The following TTBK1 variants were observed in gnomAD, a reference collection of about 807,000 sequenced individuals.
TTBK1 encodes tau tubulin kinase 1.
In TTBK1, 34 loss-of-function variants were observed where a neutral mutation model predicts 108.5. The observed-to-expected ratio is 0.31, with a 90% CI of 0.24 to 0.42. The LOEUF (loss-of-function observed/expected upper bound fraction) is 0.42. Among genes scored for constraint, TTBK1 ranks in the 10% least tolerant of loss-of-function variants. The pLI is 1.00. For missense variants in TTBK1, 1,539 were observed against 1,826.0 expected (o/e 0.84, Z 2.86); for synonymous variants, 809 against 795.1 (o/e 1.02, Z -0.29).
In TTBK1 at chr6:43,282,987, G is replaced by A. The variant is rs551356837; in HGVS notation, c.2247G>A (p.Glu749=). The A allele has an allele frequency of 2.1e-5, 34 of 1,608,598 alleles. No individual in the cohort carries two copies. In the Admixed American group the frequency reaches 5.6e-4, roughly 26 times the overall value. ...ATGAGGAAGAGGAAGAAGAGGATGA[G>A]GAAGAAGAAGAGGAGGAAGAGGAAG... is the stretch of plus-strand genomic sequence containing the variant. ...EEDEEEEEED[E]EEEEEEEEEE... Residue 749 remains glutamate, a synonymous_variant, in exon 14 of 15, where the codon GAG becomes GAA. Transcript: ENST00000259750. This position sits in a 1 kb window ranked among gnomAD's most constrained non-coding sequence, Gnocchi z 5.4.
intron 13 of TTBK1, chr6:43,272,088 C>T (rs943424705): frequency 3.0e-6 from 3 of 985,438 alleles, no homozygotes; most frequent in Admixed American, 1.2e-4. Flanking sequence ...CACTGCCTCC[C>T]CCAGCCACCT....
rs759655390 is a variant in TTBK1 at position 43,259,753 on chromosome 6, C to A, written c.1424+47C>A. 12 of 1,478,776 alleles carry A rather than the reference C, an allele frequency of 8.1e-6. No homozygotes were observed. In the East Asian group the frequency reaches 2.8e-4, roughly 34 times the overall value. The allele number at this position is 1,478,776 out of a possible 1,614,324, so 91.6% of individuals were successfully genotyped here. ...TGGTTGGGGCCCAAGGCCCTCTCCG[C>A]CTTCACGTGGCTGGTCTGGAGGAAA... On this transcript the variant is annotated intron_variant, in intron 12 of 14. Transcript: ENST00000259750. This position sits in a 1 kb window ranked among gnomAD's most constrained non-coding sequence, Gnocchi z 6.7.
chr6:43,247,240 C>T (rs1354307757), intron 2 of TTBK1, among the ~76,000 whole-genome samples: 3 of 152,232 alleles, frequency 2.0e-5, no homozygotes, highest in Non-Finnish European at 4.4e-5. Context: ...CTTCTCCATC[C>T]AGCCTCCTCC....
At chr6:43,270,546 T>C in intron 13 of TTBK1, 1 of 985,742 alleles carries the variant, frequency 1.0e-6, no homozygotes, top group Non-Finnish European at 1.2e-6. Context: ...AGGAGCCCTG[T>C]GACCTAGCGA....
At chr6:43,247,822 G>T (rs1402354526) in intron 2 of TTBK1, among the ~76,000 whole-genome samples, 1 of 152,146 alleles carries the variant, frequency 6.6e-6, no homozygotes, top group Non-Finnish European at 1.5e-5. Context: ...CAACGGTGGC[G>T]ACGTTTTCAG....
Position 43,255,032 on chromosome 6 carries a change from T to C in TTBK1, c.577-17T>C. On this transcript the variant is annotated splice_polypyrimidine_tract_variant and intron_variant, in intron 6 of 14. Transcript: ENST00000259750. Reference sequence around the variant, plus strand: ...AGGGCATGGTGGGTGACGTTCTTGGTGGTCTCCCTTCTGCAGCCTCGGAAT... The same window carrying C: ...AGGGCATGGTGGGTGACGTTCTTGGCGGTCTCCCTTCTGCAGCCTCGGAAT... 1 of 1,612,764 alleles carries C rather than the reference T, an allele frequency of 6.2e-7. No homozygotes were observed. Among genetic ancestry groups the C allele is most frequent in the Non-Finnish European group, 8.5e-7 (1 of 1,179,364 alleles).
intron 13 of TTBK1, chr6:43,270,382 G>A: frequency 1.0e-6 from 1 of 1,003,938 alleles, no homozygotes; most frequent in East Asian, 1.1e-4. Flanking sequence ...CCACCCCGAG[G>A]GGCTGGCGGG....
At chr6:43,254,500 C>T in intron 5 of TTBK1, 47 bp from the exon 6 acceptor site, 3 of 1,413,042 alleles carry the variant, frequency 2.1e-6, no homozygotes, top group African/African-American at 2.9e-5. Context: ...TGAGGTGGCC[C>T]AGCTGGGGTT....
chr6:43,266,225 G>T (rs1457809119), intron 13 of TTBK1, among the ~76,000 whole-genome samples: 1 of 152,228 alleles, frequency 6.6e-6, no homozygotes, highest in Non-Finnish European at 1.5e-5. Flanking sequence ...CTGGTGGATG[G>T]ATGTGTCCAC....
Position 43,257,686 on chromosome 6 carries a change from C to T in TTBK1, c.862-126C>T. On this transcript the variant is annotated intron_variant, in intron 9 of 14. Transcript: ENST00000259750. The surrounding 1 kb of genome is among the most constrained non-coding windows in gnomAD (Gnocchi z 4.5). The stretch of plus-strand genomic sequence containing the variant: ...CAATGTGCCGTTCTCCTTCCAATGC[C>T]CCCTCCAGGCCCATTCCTGTCCTGG... The T allele has an allele frequency of 1.2e-6, 1 of 852,104 alleles. No homozygotes were observed. Among genetic ancestry groups the T allele is most frequent in the South Asian group, 1.8e-5 (1 of 55,232 alleles). 52.8% of individuals were successfully genotyped at this position (852,104 alleles called of 1,614,324 possible).
chr6:43,270,830 C>G, intron 13 of TTBK1: 1 of 985,472 alleles, frequency 1.0e-6, no homozygotes, highest in South Asian at 4.7e-5. Context: ...ACGTGAGAAA[C>G]CATGTGCTTG....
chr6:43,272,954 G>C (rs765111497), intron 13 of TTBK1, among the ~76,000 whole-genome samples: 1 of 152,216 alleles, frequency 6.6e-6, no homozygotes, highest in East Asian at 1.9e-4. Flanking sequence ...TGGTGTTTTC[G>C]CACTTCATAG....
At chr6:43,258,951 C>T (rs1777448438) in intron 10 of TTBK1, 87 bp from the exon 11 acceptor site, 1 of 1,002,440 alleles carries the variant, frequency 1.0e-6, no homozygotes, top group East Asian at 2.6e-5. Flanking sequence ...TGGGGGTGGT[C>T]TCCAGGTCTG....
intron 2 of TTBK1, 87 bp from the exon 3 acceptor site, chr6:43,252,652 C>A (rs2150685157): frequency 1.9e-5 from 28 of 1,491,912 alleles, no homozygotes; most frequent in Non-Finnish European, 2.5e-5. Flanking sequence ...CCCTTCCCCA[C>A]CAATGAAGGA....
In TTBK1 at chr6:43,253,835, C is replaced by T. The variant is rs376492496; in HGVS notation, c.471+127C>T. 153 of 1,233,766 alleles carry T rather than the reference C, an allele frequency of 1.2e-4. No homozygotes were observed. In the African/African-American group the frequency reaches 1.8e-3, roughly 15 times the overall value. The allele number at this position is 1,233,766 out of a possible 1,614,324, so 76.4% of individuals were successfully genotyped here. On this transcript the variant is annotated intron_variant, in intron 5 of 14. Coordinates refer to ENST00000259750, the MANE Select transcript of TTBK1 (RefSeq NM_032538.3). This position sits in a 1 kb window ranked among gnomAD's most constrained non-coding sequence, Gnocchi z 5.8. ...CTTGTGATGGGACAGCCTCTTCTCC[C>T]CAAGCCCCTCCTGCTCTCCTTCCCA...
At chr6:43,258,054 C>G in intron 10 of TTBK1, 88 bp downstream of exon 10, 1 of 1,424,472 alleles carries the variant, frequency 7.0e-7, no homozygotes, top group East Asian at 2.4e-5. Flanking sequence ...CTCTTCCTAT[C>G]TGGACACACT....
intron 6 of TTBK1, 43 bp from the exon 7 acceptor site, chr6:43,255,006 G>A: frequency 6.3e-7 from 1 of 1,596,054 alleles, no homozygotes; most frequent in Non-Finnish European, 8.6e-7. Flanking sequence ...TGGCTGAGGT[G>A]AGGGCATGGT....
At chr6:43,284,369 G>GGAGGGGCTTCTCCAGACCCAAGGT in intron 14 of TTBK1, 57 bp downstream of exon 14, 1 of 1,479,748 alleles carries the variant, frequency 6.8e-7, no homozygotes, top group Non-Finnish European at 8.9e-7. Context: ...GCCTCCACCA[G>GGAGGGGCTTCTCCAGACCCAAGGT]GAGGGGCTTC....
chr6:43,252,182 C>CTGTGTGTGTGTGTGTG (rs58985204), intron 2 of TTBK1, among the ~76,000 whole-genome samples: 15 of 140,118 alleles, frequency 1.1e-4, no homozygotes, highest in South Asian at 4.8e-4. Context: ...ACATCTGGCT[C>CTGTGTGTGTGTGTGTG]TGTGTGTGTG....
Sources: gnomAD v4.1 joint callset for allele counts (sites outside exome capture counted in the v4.1 genomes callset) on GRCh38, gnomAD v4.1.1 for gene constraint, Gnocchi (gnomAD v3.1) non-coding constraint, MANE v1.5 for transcripts, NCBI Gene and HGNC (gene_info 2026-07-23, HGNC 2026-07-21) for gene names.